Variants in NPRL3 observed in about 807,000 individuals in gnomAD.
The protein encoded by NPRL3 is GATOR1 complex protein NPRL3.
Under a neutral mutation model 57.2 loss-of-function variants are expected in NPRL3, and 23 were observed. That is an observed-to-expected ratio of 0.40 (90% CI 0.29 to 0.57). The LOEUF (loss-of-function observed/expected upper bound fraction) is 0.57, where lower values mean the gene tolerates loss of function less well. Among genes scored for constraint, NPRL3 ranks in the 20% least tolerant of loss-of-function variants. The pLI is 0.42. For synonymous variants in NPRL3, 333 were observed against 321.1 expected (o/e 1.04, Z -0.39); for missense variants, 691 against 767.1 (o/e 0.90, Z 1.17).
Position 89,069 on chromosome 16 carries a change from G to A in NPRL3, c.1352-179C>T, listed in dbSNP as rs76435675. ...CCTGGGTGTGACACGCCCCTCATAC[G>A]GCTGACTTGGGAAACGGGTAGCCTC... On this transcript the variant is annotated intron_variant, in intron 12 of 13. Coordinates refer to ENST00000611875, the MANE Select transcript of NPRL3 (RefSeq NM_001077350.3). 0.013 allele frequency: 7,845 copies of A among 619,288 alleles called. 467 individuals carry two copies. Among genetic ancestry groups the A allele is most frequent in the African/African-American group, 0.12 (6,736 of 54,560 alleles). The allele number at this position is 619,288 out of a possible 1,614,324, so 38.4% of individuals were successfully genotyped here.
At chr16:89,388 G>A (rs1567129201) in intron 12 of NPRL3, 3 of 331,236 alleles carry the variant, frequency 9.1e-6, no homozygotes, top group African/African-American at 6.4e-5. Flanking sequence ...GGGGCGCAGA[G>A]GTGTCAGCTG....
chr16:104,990 C>A (rs968652085), intron 7 of NPRL3, among the ~76,000 whole-genome samples: 4 of 152,174 alleles, frequency 2.6e-5, no homozygotes, highest in Admixed American at 2.6e-4. Context: ...AGGGTTTGGG[C>A]CCTGAAAGGT....
At chr16:132,755 C>T (rs1040627712) in intron 2 of NPRL3, among the ~76,000 whole-genome samples, 2 of 150,994 alleles carry the variant, frequency 1.3e-5, no homozygotes, top group African/African-American at 4.9e-5. Context: ...CTGCAAGCTC[C>T]GCCTCCCGGA....
intron 9 of NPRL3, among the ~76,000 whole-genome samples, chr16:96,489 G>C (rs2562176): frequency 0.89 from 134,892 of 151,826 alleles, 59,998 homozygotes; most frequent in African/African-American, 0.91. Context: ...AGGACATGGT[G>C]TTTACTGAGT....
intron 3 of NPRL3, among the ~76,000 whole-genome samples, chr16:126,584 G>C (rs1221325687): frequency 1.3e-5 from 2 of 152,160 alleles, no homozygotes; most frequent in Non-Finnish European, 2.9e-5. Context: ...GGAGCAGGAA[G>C]ACGGTGTCCA....
intron 9 of NPRL3, among the ~76,000 whole-genome samples, chr16:95,348 T>TATATATATAC (rs1555440551): frequency 2.2e-5 from 1 of 45,006 alleles, no homozygotes; most frequent in African/African-American, 4.9e-5. Context: ...TATATATATA[T>TATATATATAC]ATACACACAC....
chr16:137,882 T>G (rs1901183737), intron 2 of NPRL3, among the ~76,000 whole-genome samples: 1 of 152,170 alleles, frequency 6.6e-6, no homozygotes, highest in South Asian at 2.1e-4. Context: ...TTTCTCATGA[T>G]GAATACATCC....
intron 9 of NPRL3, 71 bp from the exon 10 acceptor site, chr16:93,396 G>A (rs1024849755): frequency 1.4e-5 from 14 of 998,830 alleles, no homozygotes; most frequent in East Asian, 2.6e-5. Context: ...GCAGCTCTCA[G>A]CCTGGGTGGC....
At chr16:87,058 C>G (rs922816811) in intron 13 of NPRL3, among the ~76,000 whole-genome samples, 188 bp from the exon 14 acceptor site, 2 of 152,202 alleles carry the variant, frequency 1.3e-5, no homozygotes, top group African/African-American at 4.8e-5. Context: ...CCATGCCCAC[C>G]ACGGTCCCGC....
At chr16:106,630 A>T (rs1015013614) in intron 7 of NPRL3, among the ~76,000 whole-genome samples, 15 of 4,862 alleles carry the variant, frequency 3.1e-3, no homozygotes, top group Non-Finnish European at 3.9e-3. Flanking sequence ...GCCTTAAATT[A>T]AAAAAAAAAA....
At chr16:137,024 A>G (rs1901122710) in intron 2 of NPRL3, among the ~76,000 whole-genome samples, 1 of 148,842 alleles carries the variant, frequency 6.7e-6, no homozygotes, top group Non-Finnish European at 1.5e-5. Context: ...CCTGGCCAAC[A>G]TGGCAAAACC....
chr16:112,602 T>A lies in NPRL3; in HGVS notation c.547+20A>T. ...ACCAGCCAGCCCAGACCCATGCCCATCACGCCCTGCTGCACTCACCATCAG... is the reference window on the plus strand; with the variant it reads ...ACCAGCCAGCCCAGACCCATGCCCAACACGCCCTGCTGCACTCACCATCAG... On this transcript the variant is annotated intron_variant, in intron 6 of 13. Transcript: ENST00000611875. The A allele has an allele frequency of 4.6e-6, 7 of 1,530,080 alleles. No homozygotes were observed. The highest frequency in any genetic ancestry group is 6.2e-6 in the Non-Finnish European group (7 of 1,131,630). The allele number at this position is 1,530,080 out of a possible 1,614,324, so 94.8% of individuals were successfully genotyped here.
At chr16:122,981 C>T (rs1448791210) in intron 3 of NPRL3, among the ~76,000 whole-genome samples, 5 of 152,214 alleles carry the variant, frequency 3.3e-5, no homozygotes, top group Admixed American at 6.5e-5. Context: ...CCTGGACAAG[C>T]ACCATATCAA....
chr16:86,920 G>C, intron 13 of NPRL3, 50 bp from the exon 14 acceptor site: 1 of 1,566,284 alleles, frequency 6.4e-7, no homozygotes, highest in Non-Finnish European at 8.7e-7. Flanking sequence ...GCCCCCAGAG[G>C]CCTCTGCTGA....
chr16:89,342 C>A, intron 12 of NPRL3: 1 of 283,596 alleles, frequency 3.5e-6, no homozygotes. Context: ...CAACAGGCTG[C>A]TGCCCTCAAG....
In NPRL3 at chr16:88,520, G is replaced by A. The variant is rs909309042; in HGVS notation, c.1544+178C>T. ...TGGCCCGGCGTCTTGGTGACAAGCC[G>A]AACCCTCAGGCCTGGGCAGTGGCAC... is the stretch of plus-strand genomic sequence containing the variant. On this transcript the variant is annotated intron_variant, in intron 13 of 13. Transcript: ENST00000611875. Among the ~76,000 whole-genome samples, 5 of 152,086 alleles carry A rather than the reference G, an allele frequency of 3.3e-5. No homozygotes were observed. The South Asian group carries it at 6.2e-4, about 19-fold the overall frequency.
At position 134,770 on chromosome 16, in the gene NPRL3, C is replaced by T. The variant is rs556052197; in HGVS notation, c.118+3380G>A. Among the ~76,000 whole-genome samples the T allele has an allele frequency of 9.2e-3, 1,290 of 139,978 alleles. 23 individuals are homozygous for T. The highest frequency in any genetic ancestry group is 0.031 in the African/African-American group (1,170 of 37,506). 91.8% of individuals were successfully genotyped at this position (139,978 alleles called of 152,430 possible). A position where few individuals can be genotyped will look rare whatever the true frequency, so the allele number is the denominator to read the frequency against. ...AGGCTGGAGTGCAGTGGCGCGATCT[C>T]GGCTCACTGCAAGCTCCGCCTCCCG... On this transcript the variant is annotated intron_variant, in intron 2 of 13. Coordinates refer to ENST00000611875, the MANE Select transcript of NPRL3 (RefSeq NM_001077350.3).
At chr16:116,067 G>C (rs1430276904) in intron 5 of NPRL3, among the ~76,000 whole-genome samples, 1 of 152,152 alleles carries the variant, frequency 6.6e-6, no homozygotes, top group Non-Finnish European at 1.5e-5. Context: ...CTAGATCTAA[G>C]GGCATCATAT....
intron 3 of NPRL3, among the ~76,000 whole-genome samples, chr16:121,239 G>A (rs375421782): frequency 2.6e-5 from 4 of 152,046 alleles, no homozygotes; most frequent in Non-Finnish European, 4.4e-5. Flanking sequence ...ACTTCAAGGC[G>A]CCCTCACAAC....
Sources: allele counts gnomAD v4.1 joint callset (sites outside exome capture counted in the v4.1 genomes callset), GRCh38; gene constraint gnomAD v4.1.1; transcripts MANE v1.5; gene names NCBI Gene and HGNC (gene_info 2026-07-23, HGNC 2026-07-21).